HS3ST2: variants seen among roughly 807,000 people sequenced by gnomAD.
HS3ST2 encodes the protein heparan sulfate glucosamine 3-O-sulfotransferase 2.
HS3ST2 carries 17 observed loss-of-function variants against 26.3 expected under a neutral mutation model. That is an observed-to-expected ratio of 0.65 (90% CI 0.44 to 0.97). The LOEUF (loss-of-function observed/expected upper bound fraction) is 0.97, where lower values mean the gene tolerates loss of function less well. HS3ST2 is among the 50% of genes least tolerant of loss of function. HS3ST2 has a pLI of 0.00. For synonymous variants in HS3ST2, 237 were observed against 219.2 expected (o/e 1.08, Z -0.72); for missense variants, 402 against 501.2 (o/e 0.80, Z 1.89).
At chr16:22,844,008 T>TAC (rs71876208) in intron 1 of HS3ST2, among the ~76,000 whole-genome samples, 13,779 of 148,428 alleles carry the variant, frequency 0.093, 624 homozygotes, top group Middle Eastern at 0.1. Context: ...GATGAAAACC[T>TAC]ACACACACAC....
intron 1 of HS3ST2, among the ~76,000 whole-genome samples, chr16:22,822,881 A>G (rs1187526904): frequency 1.3e-5 from 2 of 152,002 alleles, no homozygotes; most frequent in Non-Finnish European, 2.9e-5. Context: ...GAAAGAAAGA[A>G]AAAAAGATAT....
Position 22,851,607 on chromosome 16 carries a change from C to G in HS3ST2, c.485+36512C>G, listed in dbSNP as rs116817621. 9.3e-3 allele frequency among the ~76,000 whole-genome samples: 1,411 copies of G among 152,322 alleles called. 28 individuals carry two copies. The highest frequency in any genetic ancestry group is 0.032 in the African/African-American group (1,347 of 41,568). On this transcript the variant is annotated intron_variant, in intron 1 of 1. Transcript: ENST00000261374. ...GAGAGAATCTCAGATATAATCCATA[C>G]TTTCCTGATTCCTGGGAGTTTCCCA...
chr16:22,908,592 G>A (rs1000128538), intron 1 of HS3ST2, among the ~76,000 whole-genome samples: 1 of 152,146 alleles, frequency 6.6e-6, no homozygotes, highest in Non-Finnish European at 1.5e-5. Flanking sequence ...AGGCAGCACA[G>A]GGCATTACAT....
At chr16:22,885,822 G>A (rs760569909) in intron 1 of HS3ST2, among the ~76,000 whole-genome samples, 1 of 152,096 alleles carries the variant, frequency 6.6e-6, no homozygotes, top group African/African-American at 2.4e-5. Context: ...TGAGCAGAAG[G>A]TTCTGCAGAC....
chr16:22,828,349 C>G (rs1207494064), intron 1 of HS3ST2, among the ~76,000 whole-genome samples: 5 of 152,174 alleles, frequency 3.3e-5, no homozygotes, highest in African/African-American at 1.2e-4. Context: ...AGCCACCCTG[C>G]TGCTCATTCT....
intron 1 of HS3ST2, among the ~76,000 whole-genome samples, chr16:22,872,017 A>G (rs1245780970): frequency 6.6e-6 from 1 of 152,112 alleles, no homozygotes; most frequent in African/African-American, 2.4e-5. Flanking sequence ...GCTTCTCCAG[A>G]CAGTCTGTTT....
chr16:22,886,831 A>AT (rs1220314921), intron 1 of HS3ST2, among the ~76,000 whole-genome samples: 1 of 151,536 alleles, frequency 6.6e-6, no homozygotes, highest in Non-Finnish European at 1.5e-5. Flanking sequence ...TATGATCATG[A>AT]TTCACTGCAG....
intron 1 of HS3ST2, among the ~76,000 whole-genome samples, chr16:22,901,783 C>T (rs751628283): frequency 1.1e-4 from 17 of 152,140 alleles, no homozygotes; most frequent in African/African-American, 3.1e-4. Context: ...CCTTCCTTCC[C>T]GCCCACACCT....
At chr16:22,862,767 G>C (rs1901697227) in intron 1 of HS3ST2, among the ~76,000 whole-genome samples, 1 of 152,216 alleles carries the variant, frequency 6.6e-6, no homozygotes, top group Non-Finnish European at 1.5e-5. Flanking sequence ...ACAGCCAAGA[G>C]AGAAGCATGG....
At chr16:22,883,802 C>T (rs967183763) in intron 1 of HS3ST2, among the ~76,000 whole-genome samples, 1 of 152,156 alleles carries the variant, frequency 6.6e-6, no homozygotes, top group Non-Finnish European at 1.5e-5. Context: ...ATCTGGAACC[C>T]AAGGCCAAAA....
At chr16:22,858,702 A>T (rs1356486181) in intron 1 of HS3ST2, among the ~76,000 whole-genome samples, 1 of 152,164 alleles carries the variant, frequency 6.6e-6, no homozygotes, top group Non-Finnish European at 1.5e-5. Context: ...GTGTGACCTC[A>T]GACACGTCTC....
chr16:22,863,506 G>A (rs1472234373), intron 1 of HS3ST2, among the ~76,000 whole-genome samples: 7 of 152,220 alleles, frequency 4.6e-5, no homozygotes, highest in African/African-American at 1.7e-4. Context: ...TGATACTGAG[G>A]TTTGGGATAC....
At chr16:22,822,340 A>G (rs893048372) in intron 1 of HS3ST2, among the ~76,000 whole-genome samples, 1 of 151,964 alleles carries the variant, frequency 6.6e-6, no homozygotes, top group African/African-American at 2.4e-5. Flanking sequence ...TAATTTTTAA[A>G]ATCCTTTGTT....
At chr16:22,837,555 G>GTA (rs1267572785) in intron 1 of HS3ST2, among the ~76,000 whole-genome samples, 4 of 134,430 alleles carry the variant, frequency 3.0e-5, no homozygotes, top group Admixed American at 7.7e-5. Context: ...GTATATATAT[G>GTA]TATATATATA....
chr16:22,833,208 G>T, intron 1 of HS3ST2: 3 of 455,962 alleles, frequency 6.6e-6, no homozygotes, highest in South Asian at 3.1e-5. Context: ...TATCCACAAG[G>T]CACCCCTGCA....
chr16:22,869,864 G>T (rs929959339), intron 1 of HS3ST2, among the ~76,000 whole-genome samples: 1 of 152,118 alleles, frequency 6.6e-6, no homozygotes, highest in African/African-American at 2.4e-5. Context: ...CCCTCTTTCA[G>T]CACCTATGGT....
intron 1 of HS3ST2, among the ~76,000 whole-genome samples, chr16:22,818,246 C>T (rs1188546472): frequency 6.6e-6 from 1 of 152,166 alleles, no homozygotes; most frequent in Non-Finnish European, 1.5e-5. Flanking sequence ...GGAACCAGGA[C>T]AGGGAACCAC....
At chr16:22,903,972 T>G (rs1902315448) in intron 1 of HS3ST2, among the ~76,000 whole-genome samples, 1 of 152,138 alleles carries the variant, frequency 6.6e-6, no homozygotes, top group South Asian at 2.1e-4. Context: ...ACTTCCCTCT[T>G]ATAGCGCAGG....
intron 1 of HS3ST2, among the ~76,000 whole-genome samples, chr16:22,875,409 C>T (rs1325856642): frequency 1.3e-5 from 2 of 150,812 alleles, no homozygotes; most frequent in Admixed American, 1.3e-4. Context: ...GAGATAGAGT[C>T]TCGCTCTGTC....
Sources: gnomAD v4.1 joint callset for allele counts (sites outside exome capture counted in the v4.1 genomes callset) on GRCh38, gnomAD v4.1.1 for gene constraint, MANE v1.5 for transcripts, NCBI Gene and HGNC (gene_info 2026-07-23, HGNC 2026-07-21) for gene names.